Variants in PDLIM1 observed in about 807,000 individuals in gnomAD.
The protein encoded by PDLIM1 is PDZ and LIM domain 1.
In PDLIM1, 25 loss-of-function variants were observed where a neutral mutation model predicts 35.2. The observed-to-expected ratio is 0.71, with a 90% CI of 0.52 to 0.99. The LOEUF (loss-of-function observed/expected upper bound fraction) is 0.99. PDLIM1 is among the 50% of genes least tolerant of loss of function. PDLIM1 has a pLI of 0.00. For synonymous variants in PDLIM1, 152 were observed against 154.0 expected (o/e 0.99, Z 0.10); for missense variants, 363 against 415.3 (o/e 0.87, Z 1.09).
chr10:95,273,695 C>T (rs925411324), intron 1 of PDLIM1, among the ~76,000 whole-genome samples: 9 of 152,154 alleles, frequency 5.9e-5, no homozygotes, highest in African/African-American at 2.2e-4. Context: ...AGGTTCAGAT[C>T]GTCCCCTCAT....
intron 1 of PDLIM1, among the ~76,000 whole-genome samples, chr10:95,288,152 T>C (rs1249756842): frequency 6.6e-6 from 1 of 152,196 alleles, no homozygotes; most frequent in Non-Finnish European, 1.5e-5. Flanking sequence ...GCATTTGTAT[T>C]TTATGATTTT....
intron 2 of PDLIM1, among the ~76,000 whole-genome samples, chr10:95,270,916 A>G (rs1359255114): frequency 6.6e-6 from 1 of 150,568 alleles, no homozygotes; most frequent in Admixed American, 6.6e-5. Context: ...ACACCTGGCT[A>G]ATTTTTTAAT....
At chr10:95,238,193 T>C in intron 6 of PDLIM1, 82 bp from the exon 7 acceptor site, 1 of 1,264,776 alleles carries the variant, frequency 7.9e-7, no homozygotes, top group South Asian at 1.4e-5. Flanking sequence ...CCATCCTTCC[T>C]GAGCAGGGGC....
intron 4 of PDLIM1, among the ~76,000 whole-genome samples, chr10:95,253,938 T>C (rs2133418087): frequency 6.6e-6 from 1 of 152,278 alleles, no homozygotes; most frequent in East Asian, 1.9e-4. Flanking sequence ...TGATAAGTTA[T>C]ATATACACAA....
chr10:95,271,743 A>G lies in PDLIM1; in HGVS notation c.138T>C (p.Ile46=), dbSNP rs761408170. ...GSKAALANLC[I]GDVITAIDGE... is the part of the protein sequence containing the mutation. The stretch of plus-strand genomic sequence containing the variant: ...CATCAATGGCTGTGATTACATCTCC[A>G]ATACATAAATTAGCTAGAGCCGCCT... Residue 46 remains isoleucine (I), a synonymous_variant, in exon 2 of 7, where the codon ATT becomes ATC. Transcript: ENST00000329399. The G allele has an allele frequency of 1.5e-5, 24 of 1,612,736 alleles. 1 individual carries two copies. In the East Asian group the frequency reaches 2.2e-4, roughly 15 times the overall value.
At chr10:95,257,038 G>GAAAGAAAGA (rs1440640324) in intron 4 of PDLIM1, among the ~76,000 whole-genome samples, 33 of 129,840 alleles carry the variant, frequency 2.5e-4, no homozygotes, top group South Asian at 2.6e-4. Flanking sequence ...AAGAAAGAAA[G>GAAAGAAAGA]AATTCAAAAT....
At chr10:95,262,836 GA>G (rs1438582015) in intron 4 of PDLIM1, among the ~76,000 whole-genome samples, 3 of 152,166 alleles carry the variant, frequency 2.0e-5, no homozygotes, top group African/African-American at 7.2e-5. Context: ...CTGCTGGCAA[GA>G]TCCAGGAGAC....
In PDLIM1 at chr10:95,244,095, T is replaced by G. The variant is rs45481903; in HGVS notation, c.685+3120A>C. Among the ~76,000 whole-genome samples the G allele has an allele frequency of 3.3e-5, 5 of 152,352 alleles. No homozygotes were observed. In the East Asian group the frequency reaches 9.6e-4, roughly 29 times the overall value. On this transcript the variant is annotated intron_variant, in intron 5 of 6. Coordinates refer to ENST00000329399, the MANE Select transcript of PDLIM1 (RefSeq NM_020992.4). ...ATTGTACACTTAAAATTTGTTAAGATGGTAAATTTTATATTAAGTATATTT... is the reference window on the plus strand; with the variant it reads ...ATTGTACACTTAAAATTTGTTAAGAGGGTAAATTTTATATTAAGTATATTT...
At chr10:95,282,767 A>C (rs2035571594) in intron 1 of PDLIM1, among the ~76,000 whole-genome samples, 1 of 152,254 alleles carries the variant, frequency 6.6e-6, no homozygotes, top group South Asian at 2.1e-4. Flanking sequence ...ACATGGTGAA[A>C]CCCCATCTCT....
chr10:95,280,101 C>G (rs2035548000), intron 1 of PDLIM1, among the ~76,000 whole-genome samples: 1 of 152,170 alleles, frequency 6.6e-6, no homozygotes, highest in Non-Finnish European at 1.5e-5. Flanking sequence ...TTAGGCCAGG[C>G]ATGGTGGCTC....
At chr10:95,254,330 A>G (rs1188848423) in intron 4 of PDLIM1, among the ~76,000 whole-genome samples, 1 of 152,248 alleles carries the variant, frequency 6.6e-6, no homozygotes, top group Non-Finnish European at 1.5e-5. Context: ...AAAAGAAAAC[A>G]GGAGTGGCTA....
intron 4 of PDLIM1, among the ~76,000 whole-genome samples, chr10:95,256,194 A>T (rs115854061): frequency 4.5e-4 from 68 of 152,270 alleles, no homozygotes; most frequent in African/African-American, 1.5e-3. Context: ...AAGAAACCAA[A>T]GAATGCACAA....
intron 5 of PDLIM1, 128 bp downstream of exon 5, chr10:95,247,087 T>C: frequency 1.3e-6 from 1 of 763,342 alleles, no homozygotes; most frequent in Non-Finnish European, 2.2e-6. Context: ...TTTTAAAGAA[T>C]TTCAGCATTT....
chr10:95,286,585 C>A (rs1589521691), intron 1 of PDLIM1, among the ~76,000 whole-genome samples: 1 of 152,274 alleles, frequency 6.6e-6, no homozygotes, highest in Non-Finnish European at 1.5e-5. Flanking sequence ...CAATTAAAGT[C>A]CTGGAAGCTT....
At chr10:95,252,673 A>G (rs1190117489) in intron 4 of PDLIM1, among the ~76,000 whole-genome samples, 1 of 152,232 alleles carries the variant, frequency 6.6e-6, no homozygotes, top group Non-Finnish European at 1.5e-5. Flanking sequence ...TAAAACAAAT[A>G]AAGTCTCAAC....
intron 5 of PDLIM1, among the ~76,000 whole-genome samples, chr10:95,243,390 A>G (rs1274608257): frequency 1.3e-5 from 2 of 152,178 alleles, no homozygotes; most frequent in Admixed American, 6.5e-5. Context: ...CTGTATCCCA[A>G]ATATTTCTGG....
chr10:95,258,214 G>T (rs1035671465), intron 4 of PDLIM1, among the ~76,000 whole-genome samples: 2 of 151,656 alleles, frequency 1.3e-5, no homozygotes, highest in Non-Finnish European at 2.9e-5. Context: ...CCCACAACAC[G>T]TGGAATTCAA....
intron 4 of PDLIM1, among the ~76,000 whole-genome samples, chr10:95,256,986 A>AAAAAAGAAAGAAAG (rs1554832103): frequency 6.5e-5 from 4 of 61,658 alleles, no homozygotes; most frequent in Non-Finnish European, 1.3e-4. Flanking sequence ...AAAAAAAAAA[A>AAAAAAGAAAGAAAG]AAAGAAAGAA....
At chr10:95,250,354 A>T (rs78805466) in intron 4 of PDLIM1, among the ~76,000 whole-genome samples, 31 of 136,710 alleles carry the variant, frequency 2.3e-4, no homozygotes, top group South Asian at 1.6e-3. Context: ...TCTATAATTT[A>T]AAAAAAAAAA....
Sources: allele counts gnomAD v4.1 joint callset (sites outside exome capture counted in the v4.1 genomes callset), GRCh38; gene constraint gnomAD v4.1.1; transcripts MANE v1.5; gene names NCBI Gene and HGNC (gene_info 2026-07-23, HGNC 2026-07-21).